CTNNA3: variants seen among roughly 807,000 people sequenced by gnomAD.
CTNNA3 encodes the protein catenin alpha-3.
In CTNNA3, 76 loss-of-function variants were observed where a neutral mutation model predicts 95.7. The ratio of observed to expected loss-of-function variants is 0.79; its 90% CI spans 0.66 to 0.96. The LOEUF (loss-of-function observed/expected upper bound fraction) is 0.96. Ranked by LOEUF, CTNNA3 falls within the 40% of genes least tolerant of loss-of-function variation. The pLI is 0.00. For synonymous variants in CTNNA3, 431 were observed against 374.4 expected (o/e 1.15, Z -1.74); for missense variants, 1,191 against 1,089.8 (o/e 1.09, Z -1.31).
rs74946420 is a variant in CTNNA3, at chr10:67,028,627, A to G, written c.1047+151690T>C. 2.4e-3 allele frequency among the ~76,000 whole-genome samples: 357 copies of G among 148,500 alleles called. 4 individuals carry two copies. The highest frequency in any genetic ancestry group is 8.2e-3 in the African/African-American group (332 of 40,398). Reference sequence around the variant, plus strand: ...CCAAGAAGGAAGTCAGAGATAACTGATACAACAAGCTAGTTCTACTTAAAA... The same window carrying G: ...CCAAGAAGGAAGTCAGAGATAACTGGTACAACAAGCTAGTTCTACTTAAAA... On this transcript the variant is annotated intron_variant, in intron 7 of 17. Transcript: ENST00000433211.
At chr10:66,519,075 ATAT>A (rs1311149278) in intron 11 of CTNNA3, among the ~76,000 whole-genome samples, 1 of 152,108 alleles carries the variant, frequency 6.6e-6, no homozygotes, top group Non-Finnish European at 1.5e-5. Context: ...ATAAGAAAGA[ATAT>A]TATCACATTC....
chr10:66,738,675 G>A (rs2132689255), intron 9 of CTNNA3, among the ~76,000 whole-genome samples: 1 of 152,250 alleles, frequency 6.6e-6, no homozygotes, highest in South Asian at 2.1e-4. Flanking sequence ...ATAAGTGTAT[G>A]TATTCATTTT....
At chr10:66,075,815 A>T (rs1435338270) in intron 14 of CTNNA3, among the ~76,000 whole-genome samples, 1 of 151,676 alleles carries the variant, frequency 6.6e-6, no homozygotes, top group Non-Finnish European at 1.5e-5. Context: ...ATGTGTCTTC[A>T]TTAGTAGCTT....
At chr10:66,474,028 C>T (rs1392827040) in intron 11 of CTNNA3, among the ~76,000 whole-genome samples, 7 of 152,040 alleles carry the variant, frequency 4.6e-5, no homozygotes, top group Admixed American at 3.9e-4. Context: ...TGGGTATATA[C>T]CCAGTAAAGG....
At chr10:67,500,701 T>TA (rs1262035543) in intron 5 of CTNNA3, among the ~76,000 whole-genome samples, 1 of 152,226 alleles carries the variant, frequency 6.6e-6, no homozygotes, top group Non-Finnish European at 1.5e-5. Context: ...TGTCTTTTTT[T>TA]ATCTTTGTTG....
intron 5 of CTNNA3, among the ~76,000 whole-genome samples, chr10:67,336,630 GAGGAAA>G (rs1350050185): frequency 6.6e-6 from 1 of 152,184 alleles, no homozygotes; most frequent in Non-Finnish European, 1.5e-5. Flanking sequence ...CAGAGCTAGA[GAGGAAA>G]AGTCAATGCT....
intron 5 of CTNNA3, among the ~76,000 whole-genome samples, chr10:67,475,642 C>T (rs7901202): frequency 0.023 from 3,567 of 152,158 alleles, 130 homozygotes; most frequent in African/African-American, 0.082. Context: ...CAACAAAAAA[C>T]GTTAACTTCC....
At chr10:66,902,562 AAAAC>A (rs1377959848) in intron 7 of CTNNA3, among the ~76,000 whole-genome samples, 2 of 152,210 alleles carry the variant, frequency 1.3e-5, no homozygotes, top group Non-Finnish European at 2.9e-5. Context: ...GAGACACAAA[AAAAC>A]ACTTCAAAAA....
chr10:66,905,924 A>G (rs1189263542), intron 7 of CTNNA3, among the ~76,000 whole-genome samples: 1 of 152,204 alleles, frequency 6.6e-6, no homozygotes, highest in Non-Finnish European at 1.5e-5. Context: ...CATTGTGCCT[A>G]TAGTTAATAA....
At chr10:67,222,431 T>C (rs1472349580) in intron 5 of CTNNA3, among the ~76,000 whole-genome samples, 1 of 152,188 alleles carries the variant, frequency 6.6e-6, no homozygotes, top group Non-Finnish European at 1.5e-5. Context: ...ATAATGATAC[T>C]TCTGCCGACC....
intron 11 of CTNNA3, among the ~76,000 whole-genome samples, chr10:66,499,515 A>G (rs114664225): frequency 0.01 from 1,590 of 152,228 alleles, 30 homozygotes; most frequent in African/African-American, 0.037. Flanking sequence ...TTTTTTTGAC[A>G]CAGGGTCTCC....
chr10:67,145,843 T>C (rs1462795935), intron 7 of CTNNA3, among the ~76,000 whole-genome samples: 1 of 152,168 alleles, frequency 6.6e-6, no homozygotes, highest in African/African-American at 2.4e-5. Flanking sequence ...AAAAGCTAGA[T>C]GTTTAGTCAG....
At chr10:66,951,088 TACACACACACACACAC>T (rs3056558) in intron 7 of CTNNA3, among the ~76,000 whole-genome samples, 2 of 146,066 alleles carry the variant, frequency 1.4e-5, no homozygotes, top group Non-Finnish European at 3.0e-5. Context: ...TAACATTAAA[TACACACACACACACAC>T]ACACACACAC....
At chr10:65,960,593 A>C (rs987696262) in intron 17 of CTNNA3, among the ~76,000 whole-genome samples, 1 of 152,204 alleles carries the variant, frequency 6.6e-6, no homozygotes, top group Non-Finnish European at 1.5e-5. Flanking sequence ...CATGATGCTG[A>C]GGTCTGGGCT....
chr10:66,794,841 A>C (rs1841125904), intron 7 of CTNNA3, among the ~76,000 whole-genome samples: 1 of 151,718 alleles, frequency 6.6e-6, no homozygotes, highest in East Asian at 2.0e-4. Context: ...TCATTTCCAC[A>C]GTGTTCAAAG....
At position 66,928,547 on chromosome 10, in the gene CTNNA3, C is replaced by G. The variant is rs1847202459; in HGVS notation, c.1048-153023G>C. ...GACTATCAAGGGAACGCGATGCCCC[C>G]CCTCCCCTTCCCTCTCCCTCTCACT... On this transcript the variant is annotated intron_variant, in intron 7 of 17. Transcript: ENST00000433211. The G allele has an allele frequency of 4.5e-6, 5 of 1,104,136 alleles. No individual in the cohort carries two copies. In the South Asian group the frequency reaches 6.6e-5, roughly 15 times the overall value. 68.4% of individuals were successfully genotyped at this position (1,104,136 alleles called of 1,614,324 possible).
At chr10:66,808,745 C>T (rs143418781) in intron 7 of CTNNA3, among the ~76,000 whole-genome samples, 6 of 152,124 alleles carry the variant, frequency 3.9e-5, no homozygotes, top group Non-Finnish European at 7.4e-5. Flanking sequence ...ACTTAGCAGC[C>T]ATTTTGATTA....
intron 7 of CTNNA3, among the ~76,000 whole-genome samples, chr10:67,127,022 T>C (rs1317595755): frequency 3.3e-5 from 5 of 152,238 alleles, no homozygotes; most frequent in Non-Finnish European, 7.3e-5. Context: ...CTACAGCATA[T>C]ATTTTCTGCC....
chr10:67,031,711 CT>C (rs1354034549), intron 7 of CTNNA3, among the ~76,000 whole-genome samples: 1 of 152,088 alleles, frequency 6.6e-6, no homozygotes, highest in Non-Finnish European at 1.5e-5. Context: ...AGACTAGGAC[CT>C]TAGTTTCCGC....
Sources: gnomAD v4.1 joint callset for allele counts (sites outside exome capture counted in the v4.1 genomes callset) on GRCh38, gnomAD v4.1.1 for gene constraint, MANE v1.5 for transcripts, NCBI Gene and HGNC (gene_info 2026-07-23, HGNC 2026-07-21) for gene names.